CCDC178: variants seen among roughly 807,000 people sequenced by gnomAD.
CCDC178 encodes coiled-coil domain-containing protein 178.
In CCDC178, 126 loss-of-function variants were observed where a neutral mutation model predicts 117.4. That is an observed-to-expected ratio of 1.07 (90% CI 0.93 to 1.24). CCDC178 has a LOEUF of 1.24. Among genes scored for constraint, CCDC178 ranks in the 50% most tolerant of loss-of-function variants. The probability of loss-of-function intolerance (pLI) is 0.00; values close to 1 mark genes in which losing one functional copy is unlikely to be tolerated. For missense variants in CCDC178, 1,030 were observed against 986.9 expected, an observed-to-expected ratio of 1.04 and a Z score of -0.59; for synonymous variants, 283 against 313.4, an observed-to-expected ratio of 0.90 and a Z score of 1.02.
At chr18:32,963,261 C>T (rs1349659982) in intron 22 of CCDC178, among the ~76,000 whole-genome samples, 1 of 151,900 alleles carries the variant, frequency 6.6e-6, no homozygotes, top group Non-Finnish European at 1.5e-5. Flanking sequence ...TTCCTAAGTC[C>T]CTCATACTTC....
At chr18:33,423,651 T>C (rs1288885511) in intron 2 of CCDC178, among the ~76,000 whole-genome samples, 2 of 152,160 alleles carry the variant, frequency 1.3e-5, no homozygotes. Context: ...TGTTTTACCT[T>C]CAAGAGTTCT....
chr18:33,057,222 C>T (rs1470271131), intron 21 of CCDC178, among the ~76,000 whole-genome samples: 1 of 152,066 alleles, frequency 6.6e-6, no homozygotes, highest in African/African-American at 2.4e-5. Flanking sequence ...CAATAAAGCA[C>T]ACAACAGCAT....
intron 2 of CCDC178, among the ~76,000 whole-genome samples, chr18:33,432,872 C>T (rs1410035897): frequency 1.3e-5 from 2 of 152,112 alleles, no homozygotes; most frequent in Non-Finnish European, 2.9e-5. Context: ...AACACAGTTA[C>T]ATTGATTAAT....
intron 11 of CCDC178, among the ~76,000 whole-genome samples, chr18:33,294,673 T>C (rs1162404474): frequency 1.3e-5 from 2 of 152,190 alleles, no homozygotes; most frequent in South Asian, 2.1e-4. Context: ...GTCAGAGTCC[T>C]AGAAGCCAGT....
intron 21 of CCDC178, among the ~76,000 whole-genome samples, chr18:33,080,003 T>G (rs187582726): frequency 2.0e-5 from 3 of 152,176 alleles, no homozygotes; most frequent in Non-Finnish European, 2.9e-5. Context: ...CTCTTCACAA[T>G]AGCAAAGACA....
intron 2 of CCDC178, among the ~76,000 whole-genome samples, chr18:33,439,376 G>A (rs2064343716): frequency 6.6e-6 from 1 of 152,180 alleles, no homozygotes; most frequent in South Asian, 2.1e-4. Flanking sequence ...AAAAGCTCTG[G>A]CAGCAATCCC....
rs201647936 is a variant in CCDC178 at position 32,974,558 on chromosome 18, A to G, written c.2512T>C (p.Leu838=). ...CTGCAATCACCTACCTGCACAGCTA[A>G]TATTTTCTGAATACTCTCCTGAGAG... The part of the protein sequence containing the change: ...TDSQESIQKI[L]AVQEESSNLM... Residue 838 remains leucine, a synonymous_variant, in exon 22 of 23, where the codon TTA becomes CTA. Transcript: ENST00000383096. The G allele has an allele frequency of 3.1e-5, 50 of 1,613,388 alleles. No individual in the cohort carries two copies. The highest frequency in any genetic ancestry group is 3.8e-5 in the Non-Finnish European group (45 of 1,179,748).
intron 20 of CCDC178, among the ~76,000 whole-genome samples, chr18:33,179,666 A>T (rs1568037569): frequency 6.6e-6 from 1 of 152,060 alleles, no homozygotes; most frequent in Non-Finnish European, 1.5e-5. Flanking sequence ...GGTATAGAGC[A>T]ATGTTTACCA....
rs78318865 is a variant in CCDC178 at position 33,370,860 on chromosome 18, G to A, written c.209-671C>T. Among the ~76,000 whole-genome samples, 1,238 of 152,042 alleles carry A rather than the reference G, an allele frequency of 8.1e-3. 70 individuals are homozygous for A. In the East Asian group the frequency reaches 0.15, roughly 19 times the overall value. On this transcript the variant is annotated intron_variant, in intron 5 of 22. Transcript: ENST00000383096. ...TTCTAATCCTAGCATGTCCCAAATC[G>A]ACTGAAGGTTGCAGAAGCACAGCAA...
At position 33,386,162 on chromosome 18, in the gene CCDC178, T is replaced by C. The variant is rs191199765; in HGVS notation, c.208+3378A>G. On this transcript the variant is annotated intron_variant, in intron 5 of 22. Transcript: ENST00000383096. ...GGTCGGGGGGTGAACCAGGAAGAAT[T>C]TGAATCCCTAAATAGACCAATAACA... is the stretch of plus-strand genomic sequence containing the variant. Among the ~76,000 whole-genome samples the C allele has an allele frequency of 1.7e-3, 266 of 152,222 alleles. 1 individual carries two copies. Among genetic ancestry groups the C allele is most frequent in the African/African-American group, 6.2e-3 (256 of 41,552 alleles).
chr18:33,304,305 C>T (rs2062219709), intron 11 of CCDC178, among the ~76,000 whole-genome samples: 1 of 152,242 alleles, frequency 6.6e-6, no homozygotes, highest in Middle Eastern at 3.4e-3. Flanking sequence ...GGCAGCAATT[C>T]TCAAGGGTGG....
intron 20 of CCDC178, among the ~76,000 whole-genome samples, chr18:33,176,124 A>G (rs570149202): frequency 3.9e-5 from 6 of 152,226 alleles, no homozygotes; most frequent in African/African-American, 1.4e-4. Flanking sequence ...CCATCCAGGT[A>G]TAACACCTGA....
chr18:32,960,260 T>C (rs927006713), intron 22 of CCDC178, among the ~76,000 whole-genome samples: 5 of 152,112 alleles, frequency 3.3e-5, no homozygotes, highest in African/African-American at 1.2e-4. Flanking sequence ...TGTCAAAATC[T>C]TCCAGATATT....
At chr18:33,341,767 C>G (rs1016358384) in intron 9 of CCDC178, among the ~76,000 whole-genome samples, 10 of 152,174 alleles carry the variant, frequency 6.6e-5, no homozygotes, top group Non-Finnish European at 1.3e-4. Flanking sequence ...CCATGTAGAA[C>G]TGTGAAGCCC....
intron 9 of CCDC178, among the ~76,000 whole-genome samples, 182 bp downstream of exon 9, chr18:33,346,029 C>A (rs901526712): frequency 3.3e-5 from 5 of 151,938 alleles, no homozygotes; most frequent in Admixed American, 3.3e-4. Context: ...GTTTTCACCA[C>A]GTTTCTTAGG....
chr18:33,290,522 AT>A lies in CCDC178; in HGVS notation c.1176+2636del, dbSNP rs1325203731. On this transcript the variant is annotated intron_variant, in intron 12 of 22. Transcript: ENST00000383096. ...ATGTTTAGAAGTCCCTATCATACAG[AT>A]TTGATTTCTTCCCCAATTATTCCAT... Among the ~76,000 whole-genome samples the A allele has an allele frequency of 2.6e-5, 4 of 152,212 alleles. No individual in the cohort carries two copies. The East Asian group carries it at 7.7e-4, about 29-fold the overall frequency.
chr18:33,234,760 G>T (rs2059408361), intron 15 of CCDC178, among the ~76,000 whole-genome samples: 1 of 152,036 alleles, frequency 6.6e-6, no homozygotes, highest in Non-Finnish European at 1.5e-5. Context: ...AAAAGCCAAG[G>T]ATGTGATAGC....
At chr18:33,321,431 T>C (rs2062507288) in intron 11 of CCDC178, among the ~76,000 whole-genome samples, 1 of 152,258 alleles carries the variant, frequency 6.6e-6, no homozygotes, top group African/African-American at 2.4e-5. Context: ...AAAATAGTTA[T>C]TTTGTGGGTA....
At chr18:33,306,957 T>A (rs1330729477) in intron 11 of CCDC178, among the ~76,000 whole-genome samples, 2 of 152,168 alleles carry the variant, frequency 1.3e-5, no homozygotes, top group African/African-American at 4.8e-5. Flanking sequence ...GAAAGATGTG[T>A]TTGCTTCCCC....
Sources: allele counts gnomAD v4.1 joint callset (sites outside exome capture counted in the v4.1 genomes callset), GRCh38; gene constraint gnomAD v4.1.1; transcripts MANE v1.5; gene names NCBI Gene and HGNC (gene_info 2026-07-23, HGNC 2026-07-21).